CACNA1B: variants seen among roughly 807,000 people sequenced by gnomAD.
CACNA1B encodes the protein voltage-dependent N-type calcium channel subunit alpha-1B.
In CACNA1B, 70 loss-of-function variants were observed where a neutral mutation model predicts 247.2. That is an observed-to-expected ratio of 0.28 (90% CI 0.23 to 0.35). The LOEUF is 0.35. CACNA1B is among the 10% of genes least tolerant of loss of function. CACNA1B has a pLI of 1.00. For missense variants in CACNA1B, 2,367 were observed against 3,197.4 expected, an observed-to-expected ratio of 0.74 and a Z score of 6.26; for synonymous variants, 1,231 against 1,294.4, an observed-to-expected ratio of 0.95 and a Z score of 1.05.
chr9:137,892,469 T>C (rs149725231), intron 3 of CACNA1B: 86 of 407,756 alleles, frequency 2.1e-4, no homozygotes, highest in Non-Finnish European at 3.4e-4. Flanking sequence ...GATGGTTTGA[T>C]GTCTGCAGAA....
chr9:138,056,082 A>G (rs1959485756), intron 26 of CACNA1B, among the ~76,000 whole-genome samples: 1 of 152,164 alleles, frequency 6.6e-6, no homozygotes, highest in African/African-American at 2.4e-5. Context: ...TAACTAACAC[A>G]TTATACTGCT....
At position 138,057,273 on chromosome 9, in the gene CACNA1B, A is replaced by C. The variant is rs1283781203; in HGVS notation, c.3969-459A>C. ...TTAGAATAGTTATTTACATATTCTA[A>C]ATACAACTCCCTTATCAGACAGAGG... On this transcript the variant is annotated intron_variant, in intron 26 of 46. Coordinates refer to ENST00000371372, the MANE Select transcript of CACNA1B (RefSeq NM_000718.4). The surrounding 1 kb of genome is among the most constrained non-coding windows in gnomAD (Gnocchi z 4.0). Among the ~76,000 whole-genome samples, 1 of 152,154 alleles carries C rather than the reference A, an allele frequency of 6.6e-6. No homozygotes were observed. The highest frequency in any genetic ancestry group is 1.5e-5 in the Non-Finnish European group (1 of 68,028).
Position 137,971,603 on chromosome 9 carries a change from C to T in CACNA1B, c.1543+11C>T. The T allele has an allele frequency of 6.2e-7, 1 of 1,606,864 alleles. No homozygotes were observed. Among genetic ancestry groups the T allele is most frequent in the Non-Finnish European group, 8.5e-7 (1 of 1,175,092 alleles). On this transcript the variant is annotated intron_variant, in intron 11 of 46. Transcript: ENST00000371372. This position sits in a 1 kb window ranked among gnomAD's most constrained non-coding sequence, Gnocchi z 4.4. Reference sequence around the variant, plus strand: ...TTACCACGACCCTGTGTACGTATCCCCGTCCCTCCCTCAGGTGCTTCCTGA... The same window carrying T: ...TTACCACGACCCTGTGTACGTATCCTCGTCCCTCCCTCAGGTGCTTCCTGA...
In CACNA1B at chr9:138,059,863, G is replaced by A. The variant is rs2133508169; in HGVS notation, c.4668+126G>A. On this transcript the variant is annotated intron_variant, in intron 31 of 46. Coordinates refer to ENST00000371372, the MANE Select transcript of CACNA1B (RefSeq NM_000718.4). This position sits in a 1 kb window ranked among gnomAD's most constrained non-coding sequence, Gnocchi z 4.2. ...GGGTTCCGCAGAACCCCCTGGACAT[G>A]TGGAGGCTTCGCTCCAGGGGTGGAG... 1.5e-6 allele frequency: 1 copy of A among 662,624 alleles called. No individual in the cohort carries two copies. Among genetic ancestry groups the A allele is most frequent in the Non-Finnish European group, 2.7e-6 (1 of 365,410 alleles). 41.0% of individuals were successfully genotyped at this position (662,624 alleles called of 1,614,324 possible).
At chr9:138,044,754 C>T (rs986987288) in intron 21 of CACNA1B, among the ~76,000 whole-genome samples, 1 of 152,222 alleles carries the variant, frequency 6.6e-6, no homozygotes, top group East Asian at 1.9e-4. Context: ...TGTTCGTTAC[C>T]GATCTGCCCA....
chr9:137,987,620 T>C (rs1279601865), intron 15 of CACNA1B, among the ~76,000 whole-genome samples: 3 of 152,168 alleles, frequency 2.0e-5, no homozygotes, highest in African/African-American at 7.2e-5. Flanking sequence ...GCTCCCTGGC[T>C]CCTGGGGCTG....
Position 137,934,894 on chromosome 9 carries a change from A to T in CACNA1B, c.967-17380A>T, listed in dbSNP as rs562633829. ...AAAATGAGAAGGAACCAGAAAACCAACTCTGACAATATGACAAAACAAGGT... is the reference window on the plus strand; with the variant it reads ...AAAATGAGAAGGAACCAGAAAACCATCTCTGACAATATGACAAAACAAGGT... On this transcript the variant is annotated intron_variant, in intron 6 of 46. Transcript: ENST00000371372. 4.6e-5 allele frequency among the ~76,000 whole-genome samples: 7 copies of T among 152,184 alleles called. No homozygotes were observed. In the East Asian group the frequency reaches 1.3e-3, roughly 29 times the overall value.
At chr9:138,015,639 T>C (rs555891122) in intron 18 of CACNA1B, among the ~76,000 whole-genome samples, 1 of 152,362 alleles carries the variant, frequency 6.6e-6, no homozygotes, top group East Asian at 1.9e-4. Flanking sequence ...CCCTGGGTGC[T>C]GGGAGGACTT....
At chr9:137,895,333 C>T (rs1356384702) in intron 3 of CACNA1B, among the ~76,000 whole-genome samples, 1 of 152,102 alleles carries the variant, frequency 6.6e-6, no homozygotes, top group Non-Finnish European at 1.5e-5. Flanking sequence ...AGGTACTTTG[C>T]CTTTCATATA....
intron 6 of CACNA1B, among the ~76,000 whole-genome samples, chr9:137,928,922 T>C (rs758148145): frequency 2.0e-5 from 3 of 152,188 alleles, no homozygotes; most frequent in Non-Finnish European, 4.4e-5. Flanking sequence ...GAAGCAAGTA[T>C]TGGTATTTTT....
At chr9:138,041,724 G>T (rs1038460425) in intron 20 of CACNA1B, among the ~76,000 whole-genome samples, 6 of 152,036 alleles carry the variant, frequency 3.9e-5, no homozygotes, top group Non-Finnish European at 8.8e-5. Flanking sequence ...AAGCCAGACT[G>T]ATTCTTTTTT....
chr9:138,113,009 C>CACA (rs1961703297), intron 40 of CACNA1B, among the ~76,000 whole-genome samples: 1 of 140,192 alleles, frequency 7.1e-6, no homozygotes, highest in Non-Finnish European at 1.5e-5. Context: ...CGTGAGGGAG[C>CACA]GCAGAGAGGT....
chr9:138,057,639 C>T lies in CACNA1B; in HGVS notation c.3969-93C>T. On this transcript the variant is annotated intron_variant, in intron 26 of 46. Coordinates refer to ENST00000371372, the MANE Select transcript of CACNA1B (RefSeq NM_000718.4). The surrounding 1 kb of genome is among the most constrained non-coding windows in gnomAD (Gnocchi z 4.0). ...AGCACAGTCTGTTGGAGAGGCCATT[C>T]TTTCCCCACGGAATGGTTTCAACAC... 2 of 1,287,182 alleles carry T rather than the reference C, an allele frequency of 1.6e-6. No homozygotes were observed. The highest frequency in any genetic ancestry group is 2.2e-6 in the Non-Finnish European group (2 of 926,978). 79.7% of individuals were successfully genotyped at this position (1,287,182 alleles called of 1,614,324 possible).
Position 137,913,116 on chromosome 9 carries a change from G to C in CACNA1B, c.531-64G>C. 1 of 1,266,010 alleles carries C rather than the reference G, an allele frequency of 7.9e-7. No homozygotes were observed. Among genetic ancestry groups the C allele is most frequent in the Non-Finnish European group, 1.1e-6 (1 of 870,760 alleles). The allele number at this position is 1,266,010 out of a possible 1,614,324, so 78.4% of individuals were successfully genotyped here. A position where few individuals can be genotyped will look rare whatever the true frequency, so the allele number is the denominator to read the frequency against. ...AGACATGACCCTGGTGGTGGGAGGA[G>C]TGTGTCCTCTTCCAGGCTCAATGTG... On this transcript the variant is annotated intron_variant, in intron 3 of 46. Coordinates refer to ENST00000371372, the MANE Select transcript of CACNA1B (RefSeq NM_000718.4). This position sits in a 1 kb window ranked among gnomAD's most constrained non-coding sequence, Gnocchi z 5.2.
chr9:137,996,646 T>C (rs1958504165), intron 15 of CACNA1B, among the ~76,000 whole-genome samples: 1 of 152,030 alleles, frequency 6.6e-6, no homozygotes. Context: ...CCAAAATCTA[T>C]CGAAATAAAA....
rs560807558 is a variant in CACNA1B, at chr9:137,954,417, C to T, written c.1071-1281C>T. Among the ~76,000 whole-genome samples, 12 of 152,330 alleles carry T rather than the reference C, an allele frequency of 7.9e-5. No homozygotes were observed. In the South Asian group the frequency reaches 2.5e-3, roughly 32 times the overall value. ...TGGCCCCTGTCCTGCCTCTTCTCAC[C>T]CAGCGAGGACAGAAGCTCAGGGAGG... On this transcript the variant is annotated intron_variant, in intron 7 of 46. Transcript: ENST00000371372. The surrounding 1 kb of genome is among the most constrained non-coding windows in gnomAD (Gnocchi z 4.1).
chr9:137,947,975 C>CTTTTTTTTTTTTTTTTTTT (rs71387878), intron 6 of CACNA1B, among the ~76,000 whole-genome samples: 1 of 79,418 alleles, frequency 1.3e-5, no homozygotes, highest in Non-Finnish European at 2.3e-5. Flanking sequence ...TTCAGCATTC[C>CTTTTTTTTTTTTTTTTTTT]TTTTTTTTTT....
intron 6 of CACNA1B, among the ~76,000 whole-genome samples, chr9:137,929,399 TAA>T (rs1207450172): frequency 6.6e-6 from 1 of 151,582 alleles, no homozygotes; most frequent in Non-Finnish European, 1.5e-5. Flanking sequence ...ACAAAAACAT[TAA>T]AAAGTTAGCC....
intron 10 of CACNA1B, among the ~76,000 whole-genome samples, chr9:137,958,055 C>T (rs1957970587): frequency 6.6e-6 from 1 of 152,182 alleles, no homozygotes; most frequent in South Asian, 2.1e-4. Context: ...TATCTGGTAC[C>T]AGATTCTGGT....
Sources: allele counts gnomAD v4.1 joint callset (sites outside exome capture counted in the v4.1 genomes callset), GRCh38; gene constraint gnomAD v4.1.1; non-coding constraint Gnocchi (gnomAD v3.1); transcripts MANE v1.5; gene names NCBI Gene and HGNC (gene_info 2026-07-23, HGNC 2026-07-21).